Variants in FLRT2 observed in about 807,000 individuals in gnomAD.
FLRT2 encodes the protein fibronectin leucine rich transmembrane protein 2, also known as leucine-rich repeat transmembrane protein FLRT2.
A neutral mutation model predicts 40.0 loss-of-function variants in FLRT2; 15 were observed. The ratio of observed to expected loss-of-function variants is 0.38; its 90% confidence interval spans 0.25 to 0.58. The LOEUF (loss-of-function observed/expected upper bound fraction) is 0.58, where lower values mean the gene tolerates loss of function less well. Among genes scored for constraint, FLRT2 ranks in the 20% least tolerant of loss-of-function variants. FLRT2 has a pLI of 0.71. For missense variants in FLRT2, 726 were observed against 840.0 expected (o/e 0.86, Z 1.68); for synonymous variants, 380 against 336.8 (o/e 1.13, Z -1.41).
intron 1 of FLRT2, among the ~76,000 whole-genome samples, chr14:85,550,880 AC>A (rs1322273251): frequency 2.0e-5 from 3 of 152,122 alleles, no homozygotes; most frequent in African/African-American, 7.2e-5. Context: ...TTTATTAGCG[AC>A]CCTTAAAAAT....
intron 1 of FLRT2, among the ~76,000 whole-genome samples, chr14:85,544,158 A>G (rs977384471): frequency 1.3e-5 from 2 of 152,268 alleles, no homozygotes. Context: ...AAGTACAACC[A>G]CCACCTTTCT....
At chr14:85,613,600 T>G (rs761574681) in intron 1 of FLRT2, among the ~76,000 whole-genome samples, 3 of 152,226 alleles carry the variant, frequency 2.0e-5, no homozygotes, top group Non-Finnish European at 4.4e-5. Flanking sequence ...GACTACCTTT[T>G]CAAACAAAGT....
At chr14:85,550,494 A>G (rs187824021) in intron 1 of FLRT2, among the ~76,000 whole-genome samples, 1 of 152,214 alleles carries the variant, frequency 6.6e-6, no homozygotes, top group South Asian at 2.1e-4. Context: ...TGGATAACTA[A>G]TGTAATTACA....
In FLRT2 at chr14:85,631,820, T is replaced by A. The variant is rs1038376217; in HGVS notation, c.*8323T>A. On this transcript the variant is annotated 3_prime_UTR_variant, in exon 2 of 2. Transcript: ENST00000330753. ...TTAAAAAGACCTGAAGAACATCTTT[T>A]TATTTTATTTATTTATTTTTTTTTG... 1 of 152,074 alleles carries A rather than the reference T, an allele frequency of 6.6e-6. No homozygotes were observed. Among genetic ancestry groups the A allele is most frequent in the African/African-American group, 2.4e-5 (1 of 41,410 alleles). The allele number at this position is 152,074 out of a possible 1,614,324, so 9.4% of individuals were successfully genotyped here. A position where few individuals can be genotyped will look rare whatever the true frequency, so the allele number is the denominator to read the frequency against.
chr14:85,571,725 T>C (rs1241085656), intron 1 of FLRT2, among the ~76,000 whole-genome samples: 1 of 152,150 alleles, frequency 6.6e-6, no homozygotes, highest in Non-Finnish European at 1.5e-5. Context: ...AGAACACAGT[T>C]AGGACCTTTT....
rs1036794468 is a variant in FLRT2 at position 85,629,514 on chromosome 14, T to A, written c.*6017T>A. On this transcript the variant is annotated 3_prime_UTR_variant, in exon 2 of 2. Transcript: ENST00000330753. ...ACCTTGTGCAAACTGTGTGATAACGTATGTTTGCATTCTGTCTTTAAAATA... is the reference window on the plus strand; with the variant it reads ...ACCTTGTGCAAACTGTGTGATAACGAATGTTTGCATTCTGTCTTTAAAATA... 3 of 152,236 alleles carry A rather than the reference T, an allele frequency of 2.0e-5. No individual in the cohort carries two copies. The highest frequency in any genetic ancestry group is 4.4e-5 in the Non-Finnish European group (3 of 68,040). The allele number at this position is 152,236 out of a possible 1,614,324, so 9.4% of individuals were successfully genotyped here. A position where few individuals can be genotyped will look rare whatever the true frequency, so the allele number is the denominator to read the frequency against.
At position 85,642,500 on chromosome 14, in the gene FLRT2, T is replaced by A. The variant is rs994007635; in HGVS notation, c.*19003T>A. The A allele has an allele frequency of 6.6e-6, 1 of 152,140 alleles. No individual in the cohort carries two copies. Among genetic ancestry groups the A allele is most frequent in the Non-Finnish European group, 1.5e-5 (1 of 68,020 alleles). The allele number at this position is 152,140 out of a possible 1,614,324, so 9.4% of individuals were successfully genotyped here. A position where few individuals can be genotyped will look rare whatever the true frequency, so the allele number is the denominator to read the frequency against. On this transcript the variant is annotated 3_prime_UTR_variant, in exon 2 of 2. Coordinates refer to ENST00000330753, the MANE Select transcript of FLRT2 (RefSeq NM_013231.6). ...GTCTAGAGTTAGAGCTCGTTCCCAG[T>A]GTCTCAGTAGGGCTTAAATATGAAG... is the stretch of plus-strand genomic sequence containing the variant.
In FLRT2 at chr14:85,568,604, T is replaced by TTTG. The variant is rs1158999487; in HGVS notation, c.-377+38085_-377+38087dup. 2.0e-5 allele frequency among the ~76,000 whole-genome samples: 3 copies of TTTG among 152,040 alleles called. No homozygotes were observed. The South Asian group carries it at 6.2e-4, about 32-fold the overall frequency. On this transcript the variant is annotated intron_variant, in intron 1 of 1. Transcript: ENST00000330753. ...GGGCTTCAAATCCAGTTCCTGCTTT[T>TTTG]TTGTTGTTGTTGTTGTTCTTTTTCT...
Position 85,629,055 on chromosome 14 carries a change from A to C in FLRT2, c.*5558A>C, listed in dbSNP as rs151127273. On this transcript the variant is annotated 3_prime_UTR_variant, in exon 2 of 2. Transcript: ENST00000330753. ...CTATTCATCTACTTTCTACAGCACT[A>C]TGTTAGGGTCTTCCGGGGATTCAGA... 27 of 152,266 alleles carry C rather than the reference A, an allele frequency of 1.8e-4. No individual in the cohort carries two copies. In the East Asian group the frequency reaches 5.2e-3, roughly 29 times the overall value. The allele number at this position is 152,266 out of a possible 1,614,324, so 9.4% of individuals were successfully genotyped here.
At chr14:85,565,513 ACTACCTCT>A (rs1393742026) in intron 1 of FLRT2, among the ~76,000 whole-genome samples, 1 of 152,226 alleles carries the variant, frequency 6.6e-6, no homozygotes, top group Non-Finnish European at 1.5e-5. Context: ...TAGTGATATT[ACTACCTCT>A]CCATTACATG....
intron 1 of FLRT2, among the ~76,000 whole-genome samples, chr14:85,548,904 C>CCAGCAGAG (rs1224950363): frequency 6.6e-6 from 1 of 152,164 alleles, no homozygotes; most frequent in African/African-American, 2.4e-5. Flanking sequence ...ACAGGCCCCA[C>CCAGCAGAG]CAGCAGAGCA....
In FLRT2 at chr14:85,646,861, C is replaced by T. The variant is rs1250359445; in HGVS notation, c.*23364C>T. 2.6e-5 allele frequency: 4 copies of T among 152,100 alleles called. No homozygotes were observed. The highest frequency in any genetic ancestry group is 5.9e-5 in the Non-Finnish European group (4 of 68,058). 9.4% of individuals were successfully genotyped at this position (152,100 alleles called of 1,614,324 possible). A position where few individuals can be genotyped will look rare whatever the true frequency, so the allele number is the denominator to read the frequency against. On this transcript the variant is annotated 3_prime_UTR_variant, in exon 2 of 2. Coordinates refer to ENST00000330753, the MANE Select transcript of FLRT2 (RefSeq NM_013231.6). ...CTGCCTCTTGACTTTATCATCCTTCCTCTCTGATGGTATGGTTATGTGGAC... is the reference window on the plus strand; with the variant it reads ...CTGCCTCTTGACTTTATCATCCTTCTTCTCTGATGGTATGGTTATGTGGAC...
chr14:85,624,979 G>A lies in FLRT2; in HGVS notation c.*1482G>A, dbSNP rs1446762000. 1.8e-5 allele frequency: 3 copies of A among 166,994 alleles called. No individual in the cohort carries two copies. The allele number at this position is 166,994 out of a possible 1,614,324, so 10.3% of individuals were successfully genotyped here. On this transcript the variant is annotated 3_prime_UTR_variant, in exon 2 of 2. Coordinates refer to ENST00000330753, the MANE Select transcript of FLRT2 (RefSeq NM_013231.6). Reference sequence around the variant, plus strand: ...ATTGTGGAGGGCTAATCAATCTTATGTTAGCAGGACAACCCATGAAAAACA... The same window carrying A: ...ATTGTGGAGGGCTAATCAATCTTATATTAGCAGGACAACCCATGAAAAACA...
intron 1 of FLRT2, among the ~76,000 whole-genome samples, chr14:85,579,407 G>A (rs1225722102): frequency 3.9e-5 from 6 of 152,046 alleles, no homozygotes; most frequent in African/African-American, 1.4e-4. Flanking sequence ...ACAAGTAGCC[G>A]CCACCAAAGC....
At chr14:85,532,160 C>T (rs953182467) in intron 1 of FLRT2, among the ~76,000 whole-genome samples, 2 of 152,224 alleles carry the variant, frequency 1.3e-5, no homozygotes, top group South Asian at 4.1e-4. Context: ...GCCACTGCCC[C>T]ACTTAAACTC....
intron 1 of FLRT2, among the ~76,000 whole-genome samples, chr14:85,575,212 C>T (rs904213973): frequency 1.3e-5 from 2 of 152,160 alleles, no homozygotes; most frequent in Non-Finnish European, 2.9e-5. Context: ...TTGTGATTGT[C>T]AAGGATCTGC....
At chr14:85,554,481 T>C (rs1889837536) in intron 1 of FLRT2, among the ~76,000 whole-genome samples, 1 of 152,218 alleles carries the variant, frequency 6.6e-6, no homozygotes, top group South Asian at 2.1e-4. Flanking sequence ...CAGATCCCCT[T>C]GGATCACTTC....
intron 1 of FLRT2, among the ~76,000 whole-genome samples, chr14:85,544,510 T>G (rs1467525449): frequency 6.6e-6 from 1 of 152,190 alleles, no homozygotes; most frequent in African/African-American, 2.4e-5. Flanking sequence ...ATTATTTTGT[T>G]TATTTCATCC....
rs544924408 is a variant in FLRT2, at chr14:85,577,859, G to A, written c.-376-43280G>A. 8.9e-4 allele frequency among the ~76,000 whole-genome samples: 135 copies of A among 152,126 alleles called. 1 individual carries two copies. Among genetic ancestry groups the A allele is most frequent in the African/African-American group, 2.9e-3 (120 of 41,516 alleles). The stretch of plus-strand genomic sequence containing the variant: ...GTCTCCCAAGGCACTGGGATTACAG[G>A]TGTGAGCTACCACACTAGGGCCTGA... On this transcript the variant is annotated intron_variant, in intron 1 of 1. Coordinates refer to ENST00000330753, the MANE Select transcript of FLRT2 (RefSeq NM_013231.6).
Sources: allele counts gnomAD v4.1 joint callset (sites outside exome capture counted in the v4.1 genomes callset), GRCh38; gene constraint gnomAD v4.1.1; transcripts MANE v1.5; gene names NCBI Gene and HGNC (gene_info 2026-07-23, HGNC 2026-07-21).